The following ZNF385A variants were observed in gnomAD, a reference collection of about 807,000 sequenced individuals.
The protein encoded by ZNF385A is hematopoietic zinc finger protein.
In ZNF385A, 14 loss-of-function variants were observed where a neutral mutation model predicts 32.1. The observed-to-expected ratio is 0.44, with a 90% CI of 0.29 to 0.68. The LOEUF (loss-of-function observed/expected upper bound fraction) is 0.68, where lower values mean the gene tolerates loss of function less well. Ranked by LOEUF, ZNF385A falls within the 30% of genes least tolerant of loss-of-function variation. The pLI is 0.14. For synonymous variants in ZNF385A, 197 were observed against 202.7 expected, an observed-to-expected ratio of 0.97 and a Z score of 0.24; for missense variants, 406 against 478.4, an observed-to-expected ratio of 0.85 and a Z score of 1.41.
At chr12:54,371,845 GCT>G in intron 3 of ZNF385A, 130 bp from the exon 4 acceptor site, 1 of 1,350,234 alleles carries the variant, frequency 7.4e-7, no homozygotes. Flanking sequence ...CAACATGCAT[GCT>G]CTCATGCCCT....
At chr12:54,387,522 G>A (rs1389604318), upstream of ZNF385A, among the ~76,000 whole-genome samples, 2 of 152,154 alleles carry the variant, frequency 1.3e-5, no homozygotes, top group Non-Finnish European at 2.9e-5. Flanking sequence ...AATAGTTGCC[G>A]CTTTTTGAGG....
Position 54,371,012 on chromosome 12 carries a change from C to T in ZNF385A, c.689G>A (p.Gly230Glu), listed in dbSNP as rs1370205997. 2.5e-6 allele frequency: 4 copies of T among 1,614,038 alleles called. No homozygotes were observed. Among genetic ancestry groups the T allele is most frequent in the South Asian group, 1.1e-5 (1 of 91,086 alleles). The change falls in exon 5 of 7, where the codon GGG (glycine) becomes GAG (glutamate). Residue 230 changes from glycine (G) to glutamate (E), a missense_variant. Coordinates refer to ENST00000394313, the MANE Select transcript of ZNF385A (RefSeq NM_015481.3). The stretch of plus-strand genomic sequence containing the variant: ...GTCCTGGGCAGGAGCCTCTGGTTCC[C>T]CCGGGGTGGGAGGCCCCAGCCGAGG... ...AYPRLGPPTPGEPEAPAQDRT... is the reference protein window; with the variant it reads ...AYPRLGPPTPEEPEAPAQDRT...
At position 54,374,101 on chromosome 12, in the gene ZNF385A, T is replaced by C; in HGVS notation, c.233A>G (p.His78Arg). 6.3e-7 allele frequency: 1 copy of C among 1,587,700 alleles called. No individual in the cohort carries two copies. The highest frequency in any genetic ancestry group is 8.6e-7 in the Non-Finnish European group (1 of 1,164,070). ...QAEAHYKGNR[H>R]ARRVKGIEAA... ...CTCAATGCCTTTGACTCGTCGGGCG[T>C]GGCGATTACCTTTGTAGTGCGCCTC... is the stretch of plus-strand genomic sequence containing the variant. The change falls in exon 3 of 7, where the codon CAC (histidine) becomes CGC (arginine). Residue 78 changes from histidine to arginine, a missense_variant. Physicochemically the swap from His to Arg is conservative, Grantham distance 29. Coordinates refer to ENST00000394313, the MANE Select transcript of ZNF385A (RefSeq NM_015481.3).
chr12:54,379,127 C>G (rs1955001709), intron 1 of ZNF385A: 1 of 981,264 alleles, frequency 1.0e-6, no homozygotes, highest in South Asian at 4.7e-5. Context: ...GCTGGGGGGC[C>G]GCGCCTGGCC....
chr12:54,378,332 C>G (rs1954949133), intron 1 of ZNF385A, among the ~76,000 whole-genome samples: 1 of 152,164 alleles, frequency 6.6e-6, no homozygotes, highest in Admixed American at 6.5e-5. Context: ...TCCCAGAGCC[C>G]ATCTCACTCC....
intron 1 of ZNF385A, chr12:54,381,171 G>A (rs886189523): frequency 6.7e-6 from 1 of 149,656 alleles, no homozygotes; most frequent in Non-Finnish European, 1.5e-5. Flanking sequence ...ACTCCAGCCT[G>A]GGGGACAGAG....
intron 1 of ZNF385A, among the ~76,000 whole-genome samples, chr12:54,378,382 G>A (rs972903299): frequency 2.0e-5 from 3 of 152,074 alleles, no homozygotes; most frequent in Admixed American, 6.5e-5. Flanking sequence ...ACACGGCCTC[G>A]AAAGGTCCAT....
chr12:54,375,179 C>G (rs980266400), intron 2 of ZNF385A, among the ~76,000 whole-genome samples: 1 of 152,038 alleles, frequency 6.6e-6, no homozygotes, highest in African/African-American at 2.4e-5. Context: ...GCTCTCAGGG[C>G]CTGCACCCCA....
At chr12:54,375,236 G>A (rs1350261815) in intron 2 of ZNF385A, among the ~76,000 whole-genome samples, 1 of 152,208 alleles carries the variant, frequency 6.6e-6, no homozygotes, top group East Asian at 1.9e-4. Context: ...TCCCAGTGGA[G>A]CCTCAGAGGG....
intron 1 of ZNF385A, among the ~76,000 whole-genome samples, chr12:54,390,536 G>A (rs889314546): frequency 5.3e-5 from 8 of 150,746 alleles, no homozygotes; most frequent in Admixed American, 5.3e-4. Flanking sequence ...GGCAGCTACA[G>A]CAGGGAGAGA....
At chr12:54,377,791 G>A (rs888201898) in intron 1 of ZNF385A, among the ~76,000 whole-genome samples, 7 of 152,166 alleles carry the variant, frequency 4.6e-5, no homozygotes, top group Non-Finnish European at 8.8e-5. Flanking sequence ...GCTGGGTGGG[G>A]AATGGGAATT....
At chr12:54,372,346 C>A (rs1954597204) in intron 3 of ZNF385A, among the ~76,000 whole-genome samples, 3 of 152,210 alleles carry the variant, frequency 2.0e-5, no homozygotes, top group Admixed American at 2.0e-4. Context: ...AGCAGCTGAT[C>A]CAGTTTCCGG....
chr12:54,384,464 T>C lies in ZNF385A; in HGVS notation c.51A>G (p.Pro17=), dbSNP rs1462718891. ...TGCTGAAGAGGCCAAGGGTAGGGGC[T>C]GGCTCGAGTGGGAAGGGCAGGATCT... ...LKQILPFPLE[P]APTLGLFSNY... Residue 17 remains proline, a synonymous_variant, in exon 1 of 7, where the codon CCA becomes CCG. Coordinates refer to ENST00000394313, the MANE Select transcript of ZNF385A (RefSeq NM_015481.3). 2 of 1,591,180 alleles carry C rather than the reference T, an allele frequency of 1.3e-6. No individual in the cohort carries two copies. The highest frequency in any genetic ancestry group is 2.7e-5 in the African/African-American group (2 of 74,148).
chr12:54,388,873 C>T (rs1054381862), upstream of ZNF385A, among the ~76,000 whole-genome samples: 6 of 152,174 alleles, frequency 3.9e-5, no homozygotes, highest in African/African-American at 1.4e-4. Flanking sequence ...CTCAATTCCC[C>T]CATCTTGGCA....
rs200701816 is a variant in ZNF385A at position 54,384,552 on chromosome 12, C to T, written c.-38G>A. The T allele has an allele frequency of 1.1e-4, 170 of 1,479,768 alleles. No homozygotes were observed. Among genetic ancestry groups the T allele is most frequent in the Admixed American group, 2.7e-4 (10 of 36,568 alleles). The allele number at this position is 1,479,768 out of a possible 1,614,324, so 91.7% of individuals were successfully genotyped here. On this transcript the variant is annotated 5_prime_UTR_variant, in exon 1 of 7. Coordinates refer to ENST00000394313, the MANE Select transcript of ZNF385A (RefSeq NM_015481.3). ...CCGTAGCAGAGGCAGGGGCCCTGCC[C>T]GGCTCAGGCTGCCTGAAGGGCAGAG...
upstream of ZNF385A, chr12:54,385,185 G>A (rs2137297521): frequency 6.6e-6 from 1 of 152,464 alleles, no homozygotes; most frequent in Middle Eastern, 3.4e-3. Context: ...CATTCTCAGA[G>A]CCCCTTCTCC....
chr12:54,375,464 G>A (rs1013263550), intron 2 of ZNF385A, among the ~76,000 whole-genome samples: 1 of 152,128 alleles, frequency 6.6e-6, no homozygotes, highest in Admixed American at 6.5e-5. Flanking sequence ...AGGCTCTGTG[G>A]GGGAGCCAAT....
chr12:54,376,013 C>T (rs1410892620), intron 1 of ZNF385A, 59 bp from the exon 2 acceptor site: 2 of 1,392,728 alleles, frequency 1.4e-6, no homozygotes, highest in Non-Finnish European at 2.0e-6. Flanking sequence ...CCAGCATTCC[C>T]CCAACACAGA....
chr12:54,379,224 G>C (rs1337392021), intron 1 of ZNF385A: 75 of 982,466 alleles, frequency 7.6e-5, no homozygotes, highest in Non-Finnish European at 8.9e-5. Flanking sequence ...GGGAGGCGGC[G>C]CTGGCCCGGG....
Sources: allele counts gnomAD v4.1 joint callset (sites outside exome capture counted in the v4.1 genomes callset), GRCh38; gene constraint gnomAD v4.1.1; transcripts MANE v1.5; gene names NCBI Gene and HGNC (gene_info 2026-07-23, HGNC 2026-07-21).